The following ELAPOR2 variants were observed in gnomAD, a reference collection of about 807,000 sequenced individuals.
ELAPOR2 encodes the protein endosome/lysosome-associated apoptosis and autophagy regulator family member 2.
Under a neutral mutation model 120.7 loss-of-function variants are expected in ELAPOR2, and 89 were observed. The observed-to-expected ratio is 0.74, with a 90% confidence interval of 0.62 to 0.88. ELAPOR2 has a LOEUF of 0.88. ELAPOR2 is among the 40% of genes least tolerant of loss of function. ELAPOR2 has a pLI of 0.00. For missense variants in ELAPOR2, 1,134 were observed against 1,251.6 expected (o/e 0.91, Z 1.42); for synonymous variants, 444 against 444.9 (o/e 1.00, Z 0.03).
At chr7:86,998,632 C>A (rs1006671412) in intron 1 of ELAPOR2, among the ~76,000 whole-genome samples, 1 of 152,112 alleles carries the variant, frequency 6.6e-6, no homozygotes, top group East Asian at 1.9e-4. Context: ...TAAATTTCAC[C>A]CCGGTCATGA....
At chr7:87,013,781 T>G (rs1793771818) in intron 1 of ELAPOR2, among the ~76,000 whole-genome samples, 1 of 152,202 alleles carries the variant, frequency 6.6e-6, no homozygotes. Flanking sequence ...AACCAGCCAG[T>G]CGAGACTTAT....
intron 1 of ELAPOR2, among the ~76,000 whole-genome samples, chr7:87,052,364 T>G (rs1043989103): frequency 6.6e-6 from 1 of 152,166 alleles, no homozygotes; most frequent in Non-Finnish European, 1.5e-5. Flanking sequence ...CTCAAGAAAC[T>G]TATTCACTAT....
At chr7:87,031,102 A>C (rs564925384) in intron 1 of ELAPOR2, among the ~76,000 whole-genome samples, 4 of 152,226 alleles carry the variant, frequency 2.6e-5, no homozygotes, top group African/African-American at 9.6e-5. Context: ...CCCTCCCACA[A>C]CATGTGGGAA....
intron 18 of ELAPOR2, among the ~76,000 whole-genome samples, chr7:86,898,921 C>T (rs759869339): frequency 4.6e-5 from 7 of 152,148 alleles, no homozygotes; most frequent in Non-Finnish European, 1.0e-4. Context: ...AGAAAGACAT[C>T]ATCACAAAAT....
chr7:86,972,478 G>T (rs568943799), intron 1 of ELAPOR2, among the ~76,000 whole-genome samples: 1 of 151,706 alleles, frequency 6.6e-6, no homozygotes, highest in Non-Finnish European at 1.5e-5. Context: ...TTTGCTCACA[G>T]AATGTAAACC....
chr7:86,886,141 A>C (rs1305719255), intron 21 of ELAPOR2, among the ~76,000 whole-genome samples: 1 of 152,162 alleles, frequency 6.6e-6, no homozygotes, highest in Non-Finnish European at 1.5e-5. Flanking sequence ...CCCCCAAAAC[A>C]TTCAGGGACC....
At chr7:86,951,968 G>A (rs552486388) in intron 2 of ELAPOR2, among the ~76,000 whole-genome samples, 21 of 152,124 alleles carry the variant, frequency 1.4e-4, no homozygotes, top group Middle Eastern at 3.4e-3. Context: ...ATACTTGGAG[G>A]GCCATTTTAA....
chr7:86,944,982 T>C lies in ELAPOR2; in HGVS notation c.571A>G (p.Ile191Val). ...GACTTCTTAAGGTGCACAGCATAGA[T>C]CAAAGACACCGTGCAGTCATCACGA... ...SNRDDCTVSL[I>V]YAVHLKKSGY... The change falls in exon 4 of 22, where the codon ATC becomes GTC. Residue 191 changes from isoleucine (I) to valine (V), a missense_variant. Around this residue, in one of 3 missense-constraint regions of ELAPOR2, gnomAD observed 280 missense variants for 331.5 expected, o/e 0.84. Transcript: ENST00000450689. 6.4e-7 allele frequency: 1 copy of C among 1,550,984 alleles called. No individual in the cohort carries two copies. The highest frequency in any genetic ancestry group is 8.7e-7 in the Non-Finnish European group (1 of 1,146,604).
chr7:87,012,672 C>T (rs1793729895), intron 1 of ELAPOR2, among the ~76,000 whole-genome samples: 1 of 152,118 alleles, frequency 6.6e-6, no homozygotes, highest in African/African-American at 2.4e-5. Flanking sequence ...AGTATCTGAA[C>T]AGATACTTTC....
rs1794461407 is a variant in ELAPOR2 at position 87,032,761 on chromosome 7, C to A, written c.189+26564G>T. The stretch of plus-strand genomic sequence containing the variant: ...GAATGAGATCCTCAAAGTTCATCAG[C>A]ATAGCATAAAAAGGAAGTTTCTCAG... On this transcript the variant is annotated intron_variant, in intron 1 of 21. Transcript: ENST00000450689. 2.0e-5 allele frequency among the ~76,000 whole-genome samples: 3 copies of A among 152,136 alleles called. No homozygotes were observed. The South Asian group carries it at 6.2e-4, about 32-fold the overall frequency.
chr7:86,959,766 T>C (rs2116457023), intron 2 of ELAPOR2, among the ~76,000 whole-genome samples: 1 of 152,334 alleles, frequency 6.6e-6, no homozygotes, highest in East Asian at 1.9e-4. Flanking sequence ...CTTAGGCCAG[T>C]TTTTAGCTTA....
intron 2 of ELAPOR2, among the ~76,000 whole-genome samples, chr7:86,952,815 C>G (rs1002712428): frequency 6.6e-6 from 1 of 152,148 alleles, no homozygotes; most frequent in Non-Finnish European, 1.5e-5. Context: ...ATAGTTTAGG[C>G]TGGACTCAGT....
At chr7:86,970,783 G>A (rs982869033) in intron 1 of ELAPOR2, among the ~76,000 whole-genome samples, 1 of 152,070 alleles carries the variant, frequency 6.6e-6, no homozygotes, top group Non-Finnish European at 1.5e-5. Context: ...TAAGTAATAT[G>A]TATCTGATCT....
intron 1 of ELAPOR2, among the ~76,000 whole-genome samples, chr7:87,028,376 T>G (rs1054835119): frequency 6.6e-5 from 10 of 152,154 alleles, no homozygotes; most frequent in African/African-American, 2.2e-4. Context: ...TCTTCAACAC[T>G]TTCTTTATTT....
chr7:86,983,842 A>T (rs1033143788), intron 1 of ELAPOR2, among the ~76,000 whole-genome samples: 37 of 152,306 alleles, frequency 2.4e-4, no homozygotes, highest in Admixed American at 3.3e-4. Flanking sequence ...AACAATATTA[A>T]CCTTAAATGT....
chr7:86,989,530 G>A (rs986449054), intron 1 of ELAPOR2, among the ~76,000 whole-genome samples: 9 of 152,290 alleles, frequency 5.9e-5, no homozygotes, highest in Admixed American at 3.3e-4. Context: ...GAAAACAGCC[G>A]TGCCACTGCC....
At chr7:87,025,294 C>T (rs1162692489) in intron 1 of ELAPOR2, among the ~76,000 whole-genome samples, 1 of 151,956 alleles carries the variant, frequency 6.6e-6, no homozygotes, top group Non-Finnish European at 1.5e-5. Context: ...CCCAGTATGA[C>T]CATATTGGAC....
In ELAPOR2 at chr7:86,910,343, T is replaced by C. The variant is rs903633644; in HGVS notation, c.2170-342A>G. ...AAATGTTCAATTCATAGAGTAACAA[T>C]GCATGCAAAAAGACCAGAAAACTGC... On this transcript the variant is annotated intron_variant, in intron 15 of 21. Coordinates refer to ENST00000450689, the MANE Select transcript of ELAPOR2 (RefSeq NM_001142749.3). 3.9e-5 allele frequency among the ~76,000 whole-genome samples: 6 copies of C among 152,234 alleles called. No homozygotes were observed. In the South Asian group the frequency reaches 1.2e-3, roughly 32 times the overall value.
intron 1 of ELAPOR2, among the ~76,000 whole-genome samples, chr7:86,973,913 C>A (rs531317531): frequency 2.0e-5 from 3 of 152,084 alleles, no homozygotes; most frequent in African/African-American, 7.2e-5. Flanking sequence ...ATGACAACAT[C>A]CAAACATAAG....
Sources: allele counts gnomAD v4.1 joint callset (sites outside exome capture counted in the v4.1 genomes callset), GRCh38; gene constraint gnomAD v4.1.1; regional missense constraint gnomAD v4.1.1; transcripts MANE v1.5; gene names NCBI Gene and HGNC (gene_info 2026-07-23, HGNC 2026-07-21).